ZBTB20: variants seen among roughly 807,000 people sequenced by gnomAD.
ZBTB20 encodes zinc finger and BTB domain-containing protein 20.
Under a neutral mutation model 56.9 loss-of-function variants are expected in ZBTB20, and 9 were observed. That is an observed-to-expected ratio of 0.16 (90% confidence interval 0.10 to 0.28). The LOEUF is 0.28. ZBTB20 is among the 10% of genes least tolerant of loss of function. The pLI, the probability that ZBTB20 is intolerant of heterozygous loss-of-function variation, is 1.00. For missense variants in ZBTB20, 655 were observed against 1,003.0 expected (o/e 0.65, Z 4.69); for synonymous variants, 417 against 420.7 (o/e 0.99, Z 0.11).
At chr3:114,357,440 C>T (rs1204622565) in intron 10 of ZBTB20, among the ~76,000 whole-genome samples, 1 of 152,208 alleles carries the variant, frequency 6.6e-6, no homozygotes, top group Non-Finnish European at 1.5e-5. Flanking sequence ...ATTTACAACA[C>T]CATTCTATTT....
chr3:115,101,557 C>T (rs1560573494), intron 1 of ZBTB20, among the ~76,000 whole-genome samples: 1 of 152,114 alleles, frequency 6.6e-6, no homozygotes, highest in South Asian at 2.1e-4. Context: ...CTCTGCTTGA[C>T]GAGTCATATC....
At chr3:114,826,189 A>G (rs576487074) in intron 4 of ZBTB20, among the ~76,000 whole-genome samples, 1 of 151,908 alleles carries the variant, frequency 6.6e-6, no homozygotes, top group East Asian at 1.9e-4. Flanking sequence ...CAAGACTGAG[A>G]GTATAGTAAT....
At chr3:115,083,814 A>G (rs2082883957) in intron 1 of ZBTB20, among the ~76,000 whole-genome samples, 1 of 152,028 alleles carries the variant, frequency 6.6e-6, no homozygotes, top group Non-Finnish European at 1.5e-5. Context: ...AGTAGGATAT[A>G]TATTGGAGAA....
At position 114,513,138 on chromosome 3, in the gene ZBTB20, T is replaced by C. The variant is rs114265659; in HGVS notation, c.-294-12747A>G. The stretch of plus-strand genomic sequence containing the variant: ...TCCTCATATGCTTTATAAACAAAAA[T>C]GGGAGAATTTAATGTATGTATAGAG... On this transcript the variant is annotated intron_variant, in intron 6 of 11. Transcript: ENST00000675478. Among the ~76,000 whole-genome samples, 715 of 152,314 alleles carry C rather than the reference T, an allele frequency of 4.7e-3. 10 individuals carry two copies. Among genetic ancestry groups the C allele is most frequent in the African/African-American group, 0.016 (678 of 41,568 alleles).
intron 1 of ZBTB20, among the ~76,000 whole-genome samples, chr3:115,122,359 G>T (rs1204679218): frequency 6.6e-6 from 1 of 151,958 alleles, no homozygotes; most frequent in Non-Finnish European, 1.5e-5. Context: ...TTGATTGCAA[G>T]ACCAATGGAC....
At chr3:114,346,331 G>A (rs977259951) in intron 11 of ZBTB20, among the ~76,000 whole-genome samples, 67 of 152,180 alleles carry the variant, frequency 4.4e-4, no homozygotes, top group South Asian at 6.2e-4. Flanking sequence ...TAATAATGAT[G>A]AGGATTTTTA....
intron 3 of ZBTB20, among the ~76,000 whole-genome samples, chr3:114,914,131 A>C (rs2075650307): frequency 6.6e-6 from 1 of 151,956 alleles, no homozygotes; most frequent in African/African-American, 2.4e-5. Flanking sequence ...TGGTATTTTG[A>C]TAGAGATTAC....
intron 6 of ZBTB20, chr3:114,582,409 G>A (rs1342381765): frequency 6.7e-6 from 1 of 149,754 alleles, no homozygotes; most frequent in African/African-American, 2.5e-5. Flanking sequence ...TTTAAAGACA[G>A]AGTCTCACTC....
chr3:114,450,050 G>C (rs1376752073), intron 7 of ZBTB20, among the ~76,000 whole-genome samples: 3 of 152,134 alleles, frequency 2.0e-5, no homozygotes, highest in Non-Finnish European at 4.4e-5. Flanking sequence ...AGCCTTAATG[G>C]GGCAATTTAC....
At chr3:114,794,174 A>G (rs2071180995) in intron 5 of ZBTB20, among the ~76,000 whole-genome samples, 1 of 152,134 alleles carries the variant, frequency 6.6e-6, no homozygotes, top group East Asian at 1.9e-4. Flanking sequence ...TAAAATGGGA[A>G]TGGTTCCTAC....
At chr3:114,689,468 G>A (rs907674514) in intron 6 of ZBTB20, among the ~76,000 whole-genome samples, 3 of 152,050 alleles carry the variant, frequency 2.0e-5, no homozygotes, top group African/African-American at 4.8e-5. Flanking sequence ...AAGGTGTATC[G>A]TACTAGTTCG....
chr3:115,087,650 A>G (rs992293114), intron 1 of ZBTB20, among the ~76,000 whole-genome samples: 1 of 151,878 alleles, frequency 6.6e-6, no homozygotes, highest in African/African-American at 2.4e-5. Flanking sequence ...CAACCCCAAC[A>G]CTGAAAACTG....
intron 7 of ZBTB20, among the ~76,000 whole-genome samples, chr3:114,483,484 G>A (rs1394128449): frequency 1.3e-5 from 2 of 151,936 alleles, no homozygotes; most frequent in Non-Finnish European, 2.9e-5. Context: ...CAGATCATAA[G>A]TATTTACTAT....
chr3:114,632,818 C>T (rs1394874201), intron 6 of ZBTB20, among the ~76,000 whole-genome samples: 2 of 152,136 alleles, frequency 1.3e-5, no homozygotes, highest in Non-Finnish European at 2.9e-5. Flanking sequence ...CTGAACTTTT[C>T]CTTCACAAGC....
chr3:114,410,098 A>C (rs530509831), intron 7 of ZBTB20, among the ~76,000 whole-genome samples: 137 of 152,250 alleles, frequency 9.0e-4, no homozygotes, highest in African/African-American at 3.2e-3. Flanking sequence ...CATCCAGCAG[A>C]TGTTTCTTCT....
chr3:114,371,284 C>G (rs937202424), intron 10 of ZBTB20, among the ~76,000 whole-genome samples: 1 of 152,116 alleles, frequency 6.6e-6, no homozygotes, highest in Non-Finnish European at 1.5e-5. Context: ...TCTAAATTCT[C>G]AGATACTGGT....
chr3:114,441,410 T>C (rs192129708), intron 7 of ZBTB20, among the ~76,000 whole-genome samples: 2 of 152,226 alleles, frequency 1.3e-5, no homozygotes, highest in East Asian at 3.9e-4. Flanking sequence ...AGCACTTGAG[T>C]AATGTTTGCT....
At chr3:114,542,348 T>C (rs907959295) in intron 6 of ZBTB20, among the ~76,000 whole-genome samples, 3 of 152,168 alleles carry the variant, frequency 2.0e-5, no homozygotes, top group Admixed American at 1.3e-4. Context: ...ATCATAAATA[T>C]AAGAGCTTAG....
At chr3:115,129,880 T>C (rs1261812855) in intron 1 of ZBTB20, among the ~76,000 whole-genome samples, 1 of 152,210 alleles carries the variant, frequency 6.6e-6, no homozygotes, top group African/African-American at 2.4e-5. Context: ...ACACCTTCCA[T>C]GCATTCCACT....
Sources: gnomAD v4.1 joint callset for allele counts (sites outside exome capture counted in the v4.1 genomes callset) on GRCh38, gnomAD v4.1.1 for gene constraint, MANE v1.5 for transcripts, NCBI Gene and HGNC (gene_info 2026-07-23, HGNC 2026-07-21) for gene names.